Variants in KHDRBS2 observed in about 807,000 individuals in gnomAD.
KHDRBS2 encodes KH RNA binding domain containing, signal transduction associated 2, also known as KH domain-containing, RNA-binding, signal transduction-associated protein 2.
Under a neutral mutation model 44.3 loss-of-function variants are expected in KHDRBS2, and 26 were observed. The observed-to-expected ratio is 0.59, with a 90% CI of 0.43 to 0.81. KHDRBS2 has a LOEUF of 0.81. KHDRBS2 is among the 40% of genes least tolerant of loss of function. KHDRBS2 has a pLI of 0.00. For synonymous variants in KHDRBS2, 194 were observed against 151.1 expected (o/e 1.28, Z -2.08); for missense variants, 476 against 433.1 (o/e 1.10, Z -0.88).
intron 6 of KHDRBS2, among the ~76,000 whole-genome samples, chr6:61,783,145 T>G (rs72880605): frequency 1.1e-3 from 165 of 152,206 alleles, no homozygotes; most frequent in African/African-American, 3.8e-3. Context: ...TTTAATGAAA[T>G]GCACATCACT....
At chr6:61,704,171 C>T (rs2127547197) in intron 7 of KHDRBS2, among the ~76,000 whole-genome samples, 1 of 151,852 alleles carries the variant, frequency 6.6e-6, no homozygotes, top group African/African-American at 2.4e-5. Flanking sequence ...CCTAACTATA[C>T]AAAGTAATAA....
At chr6:61,578,072 G>C in the KHDRBS2 span, among the ~76,000 whole-genome samples, 1 of 152,008 alleles carries the variant, frequency 6.6e-6, no homozygotes, top group African/African-American at 2.4e-5. Context: ...GAAGACACTG[G>C]ACTGACTCCC....
chr6:61,633,160 A>G, the KHDRBS2 span, among the ~76,000 whole-genome samples: 1 of 152,060 alleles, frequency 6.6e-6, no homozygotes, highest in African/African-American at 2.4e-5. Flanking sequence ...GATAAATTGT[A>G]TTTACCAGCC....
chr6:61,870,331 T>G (rs970868230), intron 6 of KHDRBS2, among the ~76,000 whole-genome samples: 1 of 152,202 alleles, frequency 6.6e-6, no homozygotes, highest in Non-Finnish European at 1.5e-5. Flanking sequence ...GTGGCCAGAC[T>G]ACCTTTCTAG....
At chr6:61,934,123 C>A (rs1017855280) in intron 4 of KHDRBS2, among the ~76,000 whole-genome samples, 1 of 151,130 alleles carries the variant, frequency 6.6e-6, no homozygotes, top group Non-Finnish European at 1.5e-5. Flanking sequence ...GGTCTTTTGC[C>A]CATTTTTTAA....
chr6:61,802,202 CCTGA>C (rs1786393372), intron 6 of KHDRBS2, among the ~76,000 whole-genome samples: 1 of 152,218 alleles, frequency 6.6e-6, no homozygotes, highest in African/African-American at 2.4e-5. Flanking sequence ...CTGCCCACAG[CCTGA>C]CTAACACTTT....
intron 6 of KHDRBS2, among the ~76,000 whole-genome samples, chr6:61,800,831 T>G (rs1172942311): frequency 2.0e-5 from 3 of 152,190 alleles, no homozygotes; most frequent in Non-Finnish European, 4.4e-5. Flanking sequence ...ATCTTGTTCT[T>G]GTCAGTCTCT....
At chr6:61,988,451 A>T (rs12211263) in intron 3 of KHDRBS2, among the ~76,000 whole-genome samples, 1 of 152,178 alleles carries the variant, frequency 6.6e-6, no homozygotes. Flanking sequence ...TTCTTTCTCA[A>T]TTCCAACTGG....
chr6:62,045,898 C>T (rs755614195), intron 3 of KHDRBS2, among the ~76,000 whole-genome samples: 7 of 147,986 alleles, frequency 4.7e-5, no homozygotes, highest in Non-Finnish European at 7.4e-5. Flanking sequence ...AGCTAGGTGT[C>T]CAATACTTGA....
At chr6:61,885,466 C>T (rs987094453) in intron 6 of KHDRBS2, among the ~76,000 whole-genome samples, 4 of 152,088 alleles carry the variant, frequency 2.6e-5, no homozygotes, top group South Asian at 2.1e-4. Flanking sequence ...ACATCCTTCC[C>T]GTATCAGTGT....
intron 2 of KHDRBS2, among the ~76,000 whole-genome samples, chr6:62,082,510 T>G (rs1001940653): frequency 6.6e-6 from 1 of 152,166 alleles, no homozygotes; most frequent in African/African-American, 2.4e-5. Flanking sequence ...TGTGCTAGAC[T>G]TCTCCTTTCA....
intron 2 of KHDRBS2, among the ~76,000 whole-genome samples, chr6:62,119,900 C>G (rs1400560104): frequency 6.6e-6 from 1 of 152,170 alleles, no homozygotes; most frequent in Non-Finnish European, 1.5e-5. Context: ...TAACCAAAGT[C>G]CTGGCAGGCC....
intron 2 of KHDRBS2, among the ~76,000 whole-genome samples, chr6:62,110,713 A>G (rs1434718661): frequency 6.6e-6 from 1 of 152,106 alleles, no homozygotes; most frequent in Non-Finnish European, 1.5e-5. Flanking sequence ...GGACTAGGTC[A>G]GGTAGAGGAG....
At chr6:62,091,435 C>G (rs547243351) in intron 2 of KHDRBS2, among the ~76,000 whole-genome samples, 1 of 152,030 alleles carries the variant, frequency 6.6e-6, no homozygotes, top group African/African-American at 2.4e-5. Context: ...AATCCCTTGG[C>G]GTTTAATAGA....
intron 2 of KHDRBS2, among the ~76,000 whole-genome samples, chr6:62,134,692 C>A (rs1289988207): frequency 6.6e-6 from 1 of 152,194 alleles, no homozygotes; most frequent in Non-Finnish European, 1.5e-5. Flanking sequence ...AGAGGCAGAG[C>A]TTCCCACGAC....
At chr6:62,169,132 TACAC>T (rs1227817905) in intron 2 of KHDRBS2, among the ~76,000 whole-genome samples, 33 of 127,212 alleles carry the variant, frequency 2.6e-4, no homozygotes, top group African/African-American at 5.6e-4. Context: ...TATATACATA[TACAC>T]ACATATATGT....
intron 6 of KHDRBS2, among the ~76,000 whole-genome samples, chr6:61,892,335 T>A (rs528096974): frequency 6.6e-6 from 1 of 152,308 alleles, no homozygotes; most frequent in African/African-American, 2.4e-5. Flanking sequence ...TCCAAGGTAA[T>A]TTATAGATTC....
intron 1 of KHDRBS2, among the ~76,000 whole-genome samples, chr6:62,192,355 C>A (rs955484236): frequency 6.6e-6 from 1 of 151,992 alleles, no homozygotes; most frequent in Non-Finnish European, 1.5e-5. Context: ...CCAAAGATAT[C>A]TTGAAATTTA....
At chr6:62,096,050 T>A (rs1339837724) in intron 2 of KHDRBS2, among the ~76,000 whole-genome samples, 1 of 151,960 alleles carries the variant, frequency 6.6e-6, no homozygotes, top group Non-Finnish European at 1.5e-5. Context: ...GAACCATACG[T>A]ATCCCTGGGA....
Sources: allele counts gnomAD v4.1 joint callset (sites outside exome capture counted in the v4.1 genomes callset), GRCh38; gene constraint gnomAD v4.1.1; transcripts MANE v1.5; gene names NCBI Gene and HGNC (gene_info 2026-07-23, HGNC 2026-07-21).